Variants in TCF4 observed in about 807,000 individuals in gnomAD.
TCF4 encodes the protein transcription factor 4.
A neutral mutation model predicts 82.1 loss-of-function variants in TCF4; 3 were observed. The observed-to-expected ratio is 0.04, with a 90% confidence interval of 0.02 to 0.09. TCF4 has a LOEUF of 0.09. Among genes scored for constraint, TCF4 ranks in the 10% least tolerant of loss-of-function variants. The probability of loss-of-function intolerance (pLI) is 1.00; values close to 1 mark genes in which losing one functional copy is unlikely to be tolerated. For missense variants in TCF4, 518 were observed against 852.7 expected (o/e 0.61, Z 4.89); for synonymous variants, 276 against 309.6 (o/e 0.89, Z 1.14).
chr18:55,585,994 A>C, intron 2 of TCF4: 2 of 1,336,518 alleles, frequency 1.5e-6, no homozygotes, highest in Non-Finnish European at 9.7e-7. Flanking sequence ...CAGAGCCTGC[A>C]AAAAGCAAAG....
At chr18:55,294,812 G>T (rs1011925380) in intron 8 of TCF4, among the ~76,000 whole-genome samples, 4 of 152,156 alleles carry the variant, frequency 2.6e-5, no homozygotes, top group African/African-American at 7.2e-5. Context: ...TAGGGACAGG[G>T]TCTCACTATG....
chr18:55,338,481 A>C (rs1381603783), intron 8 of TCF4, among the ~76,000 whole-genome samples: 1 of 152,216 alleles, frequency 6.6e-6, no homozygotes, highest in Non-Finnish European at 1.5e-5. Flanking sequence ...TGGAAATATT[A>C]ACTCAGATTC....
chr18:55,287,598 G>GGAGCAGGAGAGGCCT (rs2063992016), intron 8 of TCF4, among the ~76,000 whole-genome samples: 1 of 152,192 alleles, frequency 6.6e-6, no homozygotes, highest in African/African-American at 2.4e-5. Flanking sequence ...GATCCACAAA[G>GGAGCAGGAGAGGCCT]GAGCAGGAGA....
In TCF4 at chr18:55,599,670, G is replaced by A. The variant is rs141125220; in HGVS notation, c.287-12534C>T. 5.4e-3 allele frequency among the ~76,000 whole-genome samples: 823 copies of A among 152,292 alleles called. 9 individuals carry two copies. Among genetic ancestry groups the A allele is most frequent in the African/African-American group, 0.019 (785 of 41,538 alleles). ...CAGGAGGCAGGGATTGCGGTGAGCC[G>A]AGATCGTGCCACTGCACTCCAGCCT... On this transcript the variant is annotated intron_variant, in intron 2 of 20. Coordinates refer to the TCF4 transcript ENST00000398339.
chr18:55,249,020 C>T lies in TCF4; in HGVS notation c.1350+5477G>A, dbSNP rs2054199662. ...TCGGCCTCCTAAATTGCTGGGATTA[C>T]AGGGGTGAGCCACCGTGTCCAGCCT... is the stretch of plus-strand genomic sequence containing the variant. On this transcript the variant is annotated intron_variant, in intron 15 of 19. Coordinates refer to ENST00000354452, the MANE Select transcript of TCF4 (RefSeq NM_001083962.2). 2.0e-5 allele frequency among the ~76,000 whole-genome samples: 3 copies of T among 152,192 alleles called. No individual in the cohort carries two copies. The South Asian group carries it at 6.2e-4, about 32-fold the overall frequency.
Position 55,226,064 on chromosome 18 carries a change from A to G in TCF4, c.*1971T>C, listed in dbSNP as rs1344834268. ...ACTGATACAATGTATTAAAACACATAATAACAAGAGTCTACATGTAAAAAT... is the reference window on the plus strand; with the variant it reads ...ACTGATACAATGTATTAAAACACATGATAACAAGAGTCTACATGTAAAAAT... On this transcript the variant is annotated 3_prime_UTR_variant, in exon 20 of 20. Transcript: ENST00000354452. 1 of 152,548 alleles carries G rather than the reference A, an allele frequency of 6.6e-6. No individual in the cohort carries two copies. Among genetic ancestry groups the G allele is most frequent in the Admixed American group, 6.5e-5 (1 of 15,276 alleles). 9.4% of individuals were successfully genotyped at this position (152,548 alleles called of 1,614,324 possible).
chr18:55,487,424 G>C (rs571698993), intron 3 of TCF4, among the ~76,000 whole-genome samples: 3 of 152,226 alleles, frequency 2.0e-5, no homozygotes, highest in African/African-American at 7.2e-5. Flanking sequence ...TATGAACCAG[G>C]GTTGACACCA....
chr18:55,303,238 C>CACACACACACACACACCCCT lies in TCF4; in HGVS notation c.550-23583_550-23582insAGGGGTGTGTGTGTGTGTGT, dbSNP rs1555851780. 7.5e-4 allele frequency among the ~76,000 whole-genome samples: 109 copies of CACACACACACACACACCCCT among 145,410 alleles called. 1 individual carries two copies. The highest frequency in any genetic ancestry group is 2.8e-3 in the African/African-American group (103 of 37,438). On this transcript the variant is annotated intron_variant, in intron 8 of 19. Coordinates refer to ENST00000354452, the MANE Select transcript of TCF4 (RefSeq NM_001083962.2). ...GGCTCCCAGTACGTACACACACACA[C>CACACACACACACACACCCCT]ACACACACACACACACACACACACA... is the stretch of plus-strand genomic sequence containing the variant.
chr18:55,503,452 G>A (rs1056205446), intron 3 of TCF4, among the ~76,000 whole-genome samples: 1 of 152,068 alleles, frequency 6.6e-6, no homozygotes, highest in Admixed American at 6.5e-5. Context: ...AGCAACCTAA[G>A]AGGAAGGCCA....
chr18:55,298,569 A>G (rs745617694), intron 8 of TCF4, among the ~76,000 whole-genome samples: 5 of 152,234 alleles, frequency 3.3e-5, no homozygotes, highest in Non-Finnish European at 5.9e-5. Context: ...AACGTAGCTA[A>G]TAGTGGCATG....
chr18:55,460,955 T>A (rs1200299991), intron 5 of TCF4, 64 bp downstream of exon 5: 2 of 1,429,174 alleles, frequency 1.4e-6, no homozygotes, highest in East Asian at 4.7e-5. Context: ...TAGGACATGG[T>A]TTTACCTTCT....
chr18:55,574,954 C>T (rs530464463), intron 3 of TCF4, among the ~76,000 whole-genome samples: 23 of 152,310 alleles, frequency 1.5e-4, no homozygotes, highest in Non-Finnish European at 5.9e-5. Context: ...TCATCCACTT[C>T]CACTTTTCTG....
rs2090552374 is a variant in TCF4, at chr18:55,375,684, T to C, written c.370-24681A>G. ...GTAAGAAAGTTCTGGAGTTACGGGTTATAAGATTAACAGACAATAAAAAAG... is the reference window on the plus strand; with the variant it reads ...GTAAGAAAGTTCTGGAGTTACGGGTCATAAGATTAACAGACAATAAAAAAG... On this transcript the variant is annotated intron_variant, in intron 6 of 19. Coordinates refer to ENST00000354452, the MANE Select transcript of TCF4 (RefSeq NM_001083962.2). Among the ~76,000 whole-genome samples, 3 of 152,262 alleles carry C rather than the reference T, an allele frequency of 2.0e-5. No individual in the cohort carries two copies. The South Asian group carries it at 6.2e-4, about 32-fold the overall frequency.
At chr18:55,547,700 G>A (rs1373498135) in intron 3 of TCF4, among the ~76,000 whole-genome samples, 1 of 152,190 alleles carries the variant, frequency 6.6e-6, no homozygotes, top group African/African-American at 2.4e-5. Flanking sequence ...AACGTTGTAA[G>A]AAAACTTTTG....
At chr18:55,550,337 C>G (rs944968012) in intron 3 of TCF4, 5 of 152,164 alleles carry the variant, frequency 3.3e-5, no homozygotes, top group African/African-American at 1.2e-4. Context: ...AAGTCAGTGA[C>G]TTTATATTAC....
At chr18:55,457,575 C>G (rs1245823466) in intron 5 of TCF4, among the ~76,000 whole-genome samples, 3 of 152,140 alleles carry the variant, frequency 2.0e-5, no homozygotes, top group Non-Finnish European at 2.9e-5. Flanking sequence ...AACCTCCGCC[C>G]CCTGAGCTCA....
intron 5 of TCF4, among the ~76,000 whole-genome samples, chr18:55,449,774 A>C (rs2095589803): frequency 1.3e-5 from 2 of 152,216 alleles, no homozygotes; most frequent in Admixed American, 6.5e-5. Flanking sequence ...CTTATCCTTC[A>C]ATTTTTCTGT....
chr18:55,586,049 C>T (rs2097641827), intron 2 of TCF4: 1 of 1,391,372 alleles, frequency 7.2e-7, no homozygotes, highest in Admixed American at 2.5e-5. Context: ...GGCTGCAAAG[C>T]TGCCTGCCTA....
upstream of TCF4, among the ~76,000 whole-genome samples, chr18:55,590,547 C>T (rs749390070): frequency 2.0e-5 from 3 of 152,206 alleles, no homozygotes; most frequent in Non-Finnish European, 2.9e-5. Context: ...GCAAATAACG[C>T]CCACTTTACG....
Sources: allele counts gnomAD v4.1 joint callset (sites outside exome capture counted in the v4.1 genomes callset), GRCh38; gene constraint gnomAD v4.1.1; transcripts MANE v1.5; gene names NCBI Gene and HGNC (gene_info 2026-07-23, HGNC 2026-07-21).